Variants in CCDC88C observed in about 807,000 individuals in gnomAD.
CCDC88C encodes coiled-coil and HOOK domain protein 88C, also known as protein Daple.
In CCDC88C, 131 loss-of-function variants were observed where a neutral mutation model predicts 198.8. The observed-to-expected ratio is 0.66, with a 90% CI of 0.57 to 0.76. The LOEUF (loss-of-function observed/expected upper bound fraction) is 0.76, where lower values mean the gene tolerates loss of function less well. Ranked by LOEUF, CCDC88C falls within the 30% of genes least tolerant of loss-of-function variation. The pLI is 0.00. For missense variants in CCDC88C, 2,553 were observed against 2,631.6 expected, an observed-to-expected ratio of 0.97 and a Z score of 0.65; for synonymous variants, 1,166 against 1,114.7, an observed-to-expected ratio of 1.05 and a Z score of -0.92.
In CCDC88C at chr14:91,294,196, G is replaced by A. The variant is rs753635775; in HGVS notation, c.4089C>T (p.Tyr1363=). ...LEQNMENKEQ[Y]HEEQKQYIDK... Reference sequence around the variant, plus strand: ...ACATGTACTGCTTCTGCTCCTCATGGTACTGCTCCTTGTTCTCCATGTTCT... The same window carrying A: ...ACATGTACTGCTTCTGCTCCTCATGATACTGCTCCTTGTTCTCCATGTTCT... Residue 1363 remains tyrosine (Y), a synonymous_variant, in exon 23 of 30, where the codon TAC becomes TAT. Transcript: ENST00000389857. 6.2e-7 allele frequency: 1 copy of A among 1,614,016 alleles called. No individual in the cohort carries two copies. Among genetic ancestry groups the A allele is most frequent in the Non-Finnish European group, 8.5e-7 (1 of 1,179,882 alleles).
chr14:91,274,675 G>A (rs1889881166), intron 29 of CCDC88C, among the ~76,000 whole-genome samples: 2 of 152,208 alleles, frequency 1.3e-5, no homozygotes, highest in African/African-American at 2.4e-5. Flanking sequence ...TTGGGTGGGC[G>A]TCCAGTAAGA....
rs1373013524 is a variant in CCDC88C, at chr14:91,352,649, A to T, written c.340+6993T>A. 6.6e-6 allele frequency among the ~76,000 whole-genome samples: 1 copy of T among 152,206 alleles called. No individual in the cohort carries two copies. Among genetic ancestry groups the T allele is most frequent in the East Asian group, 1.9e-4 (1 of 5,204 alleles). On this transcript the variant is annotated intron_variant, in intron 4 of 29. Transcript: ENST00000389857. The surrounding 1 kb of genome is among the most constrained non-coding windows in gnomAD (Gnocchi z 4.2). ...ATATGAAAATTATATATATATACAC[A>T]CACACATATACACTTATACACAGGA... is the stretch of plus-strand genomic sequence containing the variant.
At chr14:91,403,160 C>T (rs1425516358) in intron 3 of CCDC88C, among the ~76,000 whole-genome samples, 1 of 152,178 alleles carries the variant, frequency 6.6e-6, no homozygotes, top group Non-Finnish European at 1.5e-5. Flanking sequence ...GCTGCCTCTG[C>T]ACCTGGCGAG....
chr14:91,369,183 C>T (rs542273547), intron 3 of CCDC88C, among the ~76,000 whole-genome samples: 2 of 152,178 alleles, frequency 1.3e-5, no homozygotes, highest in Non-Finnish European at 2.9e-5. Context: ...AGCACAGGCC[C>T]GCCCCAAACC....
chr14:91,341,824 C>CCGCTGA (rs1893324648), intron 6 of CCDC88C, among the ~76,000 whole-genome samples: 1 of 152,242 alleles, frequency 6.6e-6, no homozygotes, highest in Admixed American at 6.5e-5. Flanking sequence ...CTCCTCCACT[C>CCGCTGA]CGCTGACGCT....
At chr14:91,324,994 C>T in intron 11 of CCDC88C, 71 bp from the exon 12 acceptor site, 3 of 1,581,328 alleles carry the variant, frequency 1.9e-6, no homozygotes, top group Non-Finnish European at 1.7e-6. Context: ...GCCTCAGCCC[C>T]TGTATAGCTA....
chr14:91,273,385 C>T lies in CCDC88C; in HGVS notation c.5327G>A (p.Ser1776Asn), dbSNP rs764955033. ...VAPRQAQPPQ[S>N]LSLGRPRQAP... Reference sequence around the variant, plus strand: ...CTGCCGGGGTCTGCCCAGAGACAGGCTCTGGGGAGGCTGGGCCTGTCTCGG... The same window carrying T: ...CTGCCGGGGTCTGCCCAGAGACAGGTTCTGGGGAGGCTGGGCCTGTCTCGG... Residue 1776 changes from serine to asparagine, a missense_variant, in exon 30 of 30, where the codon AGC (serine) becomes AAC (asparagine). Physicochemically the swap from Ser to Asn is conservative, Grantham distance 46. Transcript: ENST00000389857. This position sits in a 1 kb window ranked among gnomAD's most constrained non-coding sequence, Gnocchi z 5.6. The T allele has an allele frequency of 1.4e-5, 22 of 1,533,588 alleles. 1 individual carries two copies. The East Asian group carries it at 4.6e-4, about 32-fold the overall frequency. The allele number at this position is 1,533,588 out of a possible 1,614,324, so 95.0% of individuals were successfully genotyped here.
At chr14:91,376,958 C>A (rs1884462344) in intron 3 of CCDC88C, among the ~76,000 whole-genome samples, 1 of 152,242 alleles carries the variant, frequency 6.6e-6, no homozygotes, top group Admixed American at 6.5e-5. Flanking sequence ...GCAGACCAGC[C>A]ACTCCACACC....
At chr14:91,353,698 C>A (rs370414662) in intron 4 of CCDC88C, among the ~76,000 whole-genome samples, 6 of 152,180 alleles carry the variant, frequency 3.9e-5, no homozygotes, top group African/African-American at 7.2e-5. Flanking sequence ...GCGCACAGAA[C>A]CTTGTCTCTT....
In CCDC88C at chr14:91,303,966, T is replaced by C. The variant is rs377046222; in HGVS notation, c.3370A>G (p.Thr1124Ala). The change falls in exon 20 of 30, where the codon ACG becomes GCG. Residue 1124 changes from threonine to alanine, a missense_variant. By Grantham distance (58) the Thr-to-Ala change is moderately conservative. Around this residue, in one of 2 missense-constraint regions of CCDC88C, gnomAD observed 1,293 missense variants for 1,219.6 expected, o/e 1.06. Coordinates refer to ENST00000389857, the MANE Select transcript of CCDC88C (RefSeq NM_001080414.4). ...QTAKLQVENS[T>A]LSSQSAALTA... is the part of the protein sequence containing the mutation. ...AGCGCTGCGCTCTGGGAACTCAGCGTGGAGTTCTCCACCTGCCGAGAGGGA... is the reference window on the plus strand; with the variant it reads ...AGCGCTGCGCTCTGGGAACTCAGCGCGGAGTTCTCCACCTGCCGAGAGGGA... 49 of 1,602,350 alleles carry C rather than the reference T, an allele frequency of 3.1e-5. No individual in the cohort carries two copies. In the African/African-American group the frequency reaches 5.6e-4, roughly 18 times the overall value.
Position 91,417,205 on chromosome 14 carries a change from C to T in CCDC88C, c.61-367G>A, listed in dbSNP as rs1302172828. 12 of 702,992 alleles carry T rather than the reference C, an allele frequency of 1.7e-5. No homozygotes were observed. In the East Asian group the frequency reaches 3.2e-4, roughly 19 times the overall value. 43.5% of individuals were successfully genotyped at this position (702,992 alleles called of 1,614,324 possible). On this transcript the variant is annotated intron_variant, in intron 1 of 29. Coordinates refer to ENST00000389857, the MANE Select transcript of CCDC88C (RefSeq NM_001080414.4). ...CATTCGGCGCCCCCCATTCCCCACC[C>T]GTCACCGCCATCCACCGGCTGGTCT...
chr14:91,364,146 G>A (rs915611756), intron 3 of CCDC88C, among the ~76,000 whole-genome samples: 1 of 152,238 alleles, frequency 6.6e-6, no homozygotes, highest in African/African-American at 2.4e-5. Flanking sequence ...CACCAGCCTC[G>A]CTGAGGCCTC....
intron 18 of CCDC88C, among the ~76,000 whole-genome samples, chr14:91,306,150 T>C (rs553041315): frequency 6.6e-6 from 1 of 152,316 alleles, no homozygotes; most frequent in East Asian, 1.9e-4. Flanking sequence ...CCTGCATATG[T>C]GAGTGGGAGG....
chr14:91,385,931 C>T (rs1336319010), intron 3 of CCDC88C, among the ~76,000 whole-genome samples: 1 of 152,156 alleles, frequency 6.6e-6, no homozygotes, highest in Non-Finnish European at 1.5e-5. Context: ...AGAGGCCACA[C>T]AGTACAGAGA....
In CCDC88C at chr14:91,285,443, CT is replaced by C. The variant is rs1214352205; in HGVS notation, c.4442-1927del. ...GGACATGTGCACGTATATCCTGAGG[CT>C]CCCCCTAAAACTGTGTTGTGCTGAA... On this transcript the variant is annotated intron_variant, in intron 25 of 29. Coordinates refer to ENST00000389857, the MANE Select transcript of CCDC88C (RefSeq NM_001080414.4). The C allele has an allele frequency of 2.8e-5, 11 of 394,602 alleles. No homozygotes were observed. The African/African-American group carries it at 2.9e-4, about 11-fold the overall frequency. The allele number at this position is 394,602 out of a possible 1,614,324, so 24.4% of individuals were successfully genotyped here.
chr14:91,412,592 G>A (rs1394931471), intron 2 of CCDC88C, among the ~76,000 whole-genome samples: 2 of 151,964 alleles, frequency 1.3e-5, no homozygotes, highest in African/African-American at 4.8e-5. Context: ...CCGCCACCAC[G>A]CCTGGCTAAT....
intron 3 of CCDC88C, among the ~76,000 whole-genome samples, chr14:91,403,705 G>C (rs1858677312): frequency 6.6e-6 from 1 of 152,238 alleles, no homozygotes; most frequent in African/African-American, 2.4e-5. Context: ...CAAGGCAGGA[G>C]GACTGCTTGA....
Position 91,381,163 on chromosome 14 carries a change from G to A in CCDC88C, c.271-21452C>T, listed in dbSNP as rs1202126771. ...CAGGGGCTCCCAGAGAAGCACCTGT[G>A]GGTGGGCAGAACTGAAAGGTGTGGG... On this transcript the variant is annotated intron_variant, in intron 3 of 29. Coordinates refer to ENST00000389857, the MANE Select transcript of CCDC88C (RefSeq NM_001080414.4). This position sits in a 1 kb window ranked among gnomAD's most constrained non-coding sequence, Gnocchi z 4.2. Among the ~76,000 whole-genome samples, 1 of 152,150 alleles carries A rather than the reference G, an allele frequency of 6.6e-6. No individual in the cohort carries two copies. Among genetic ancestry groups the A allele is most frequent in the African/African-American group, 2.4e-5 (1 of 41,410 alleles).
At chr14:91,368,450 A>G (rs1260972268) in intron 3 of CCDC88C, among the ~76,000 whole-genome samples, 1 of 152,258 alleles carries the variant, frequency 6.6e-6, no homozygotes, top group Non-Finnish European at 1.5e-5. Flanking sequence ...TGGCTTGAAT[A>G]TACCATGCTT....
Sources: allele counts gnomAD v4.1 joint callset (sites outside exome capture counted in the v4.1 genomes callset), GRCh38; gene constraint gnomAD v4.1.1; regional missense constraint gnomAD v4.1.1; non-coding constraint Gnocchi (gnomAD v3.1); transcripts MANE v1.5; gene names NCBI Gene and HGNC (gene_info 2026-07-23, HGNC 2026-07-21).